FHIT: variants seen among roughly 807,000 people sequenced by gnomAD.
FHIT encodes bis(5'-adenosyl)-triphosphatase.
A neutral mutation model predicts 17.9 loss-of-function variants in FHIT; 19 were observed. The observed-to-expected ratio is 1.06, with a 90% CI of 0.74 to 1.56. The LOEUF is 1.56. FHIT is among the 40% of genes most tolerant of loss of function. The pLI is 0.00. For synonymous variants in FHIT, 81 were observed against 69.7 expected, an observed-to-expected ratio of 1.16 and a Z score of -0.81; for missense variants, 248 against 189.2, an observed-to-expected ratio of 1.31 and a Z score of -1.82.
At chr3:60,446,899 T>A (rs894908065) in intron 5 of FHIT, among the ~76,000 whole-genome samples, 22 of 142,746 alleles carry the variant, frequency 1.5e-4, no homozygotes, top group South Asian at 6.8e-4. Flanking sequence ...ATAATAATAA[T>A]AAAAAGCCTT....
At chr3:61,118,905 C>A (rs900085353) in intron 2 of FHIT, among the ~76,000 whole-genome samples, 1 of 152,124 alleles carries the variant, frequency 6.6e-6, no homozygotes, top group African/African-American at 2.4e-5. Flanking sequence ...CCTAGTCCCA[C>A]TGGACCCATC....
chr3:60,673,666 G>A (rs146151102), intron 4 of FHIT, among the ~76,000 whole-genome samples: 6 of 152,144 alleles, frequency 3.9e-5, no homozygotes, highest in East Asian at 1.9e-4. Context: ...TCCTGCACAC[G>A]TTTCCCAGAA....
At chr3:60,382,855 A>T (rs565688368) in intron 5 of FHIT, among the ~76,000 whole-genome samples, 5 of 152,200 alleles carry the variant, frequency 3.3e-5, no homozygotes, top group Non-Finnish European at 5.9e-5. Flanking sequence ...GAGAACGAGA[A>T]ATCAGACCTC....
rs1345721945 is a variant in FHIT at position 60,390,417 on chromosome 3, A to C, written c.103+146443T>G. 2.8e-4 allele frequency among the ~76,000 whole-genome samples: 37 copies of C among 130,954 alleles called. 2 individuals are homozygous for C. The highest frequency in any genetic ancestry group is 2.4e-4 in the Non-Finnish European group (15 of 61,810). 85.9% of individuals were successfully genotyped at this position (130,954 alleles called of 152,430 possible). The stretch of plus-strand genomic sequence containing the variant: ...GAGCTAAAAAAAAAAAAAAAAAAAA[A>C]AAAAAAAAAAACCCGTACCCTCTAG... On this transcript the variant is annotated intron_variant, in intron 5 of 9. Transcript: ENST00000492590.
intron 3 of FHIT, among the ~76,000 whole-genome samples, chr3:60,935,128 A>C (rs75664869): frequency 3.3e-5 from 5 of 152,192 alleles, no homozygotes; most frequent in Non-Finnish European, 5.9e-5. Flanking sequence ...GAAAATTTAC[A>C]AAAAAATCTT....
intron 3 of FHIT, among the ~76,000 whole-genome samples, chr3:60,892,982 G>C (rs1705596108): frequency 6.6e-6 from 1 of 152,098 alleles, no homozygotes; most frequent in African/African-American, 2.4e-5. Flanking sequence ...TCTGCAATGG[G>C]TACATATGAC....
At chr3:60,592,654 G>A (rs558598375) in intron 4 of FHIT, among the ~76,000 whole-genome samples, 10 of 152,236 alleles carry the variant, frequency 6.6e-5, no homozygotes, top group African/African-American at 1.4e-4. Flanking sequence ...CAGAAGTTGC[G>A]CCCATCACTT....
intron 5 of FHIT, among the ~76,000 whole-genome samples, chr3:60,411,619 A>C (rs954013193): frequency 1.3e-5 from 2 of 152,184 alleles, no homozygotes; most frequent in Admixed American, 6.5e-5. Context: ...CATCATGCAA[A>C]TGACAGGGAG....
chr3:60,449,661 C>G lies in FHIT; in HGVS notation c.103+87199G>C, dbSNP rs554997615. Among the ~76,000 whole-genome samples the G allele has an allele frequency of 4.6e-5, 7 of 152,072 alleles. No individual in the cohort carries two copies. In the East Asian group the frequency reaches 1.4e-3, roughly 29 times the overall value. On this transcript the variant is annotated intron_variant, in intron 5 of 9. Coordinates refer to ENST00000492590, the MANE Select transcript of FHIT (RefSeq NM_002012.4). ...CTGAATACTGTAGGTAATTGTAACA[C>G]ACTGGCAAGTATTTGTGTATCAAAA... is the stretch of plus-strand genomic sequence containing the variant.
intron 5 of FHIT, among the ~76,000 whole-genome samples, chr3:60,395,753 G>A (rs952057759): frequency 1.3e-5 from 2 of 152,208 alleles, no homozygotes; most frequent in African/African-American, 4.8e-5. Flanking sequence ...TGCAGGACAA[G>A]TGGCAGGGTT....
At chr3:60,317,641 A>G in intron 5 of FHIT, among the ~76,000 whole-genome samples, 1 of 147,300 alleles carries the variant, frequency 6.8e-6, no homozygotes, top group African/African-American at 2.5e-5. Context: ...GTGTGTATAT[A>G]TATATATATA....
chr3:59,817,052 T>C (rs1243462639), intron 8 of FHIT, among the ~76,000 whole-genome samples: 1 of 152,150 alleles, frequency 6.6e-6, no homozygotes, highest in Non-Finnish European at 1.5e-5. Flanking sequence ...TGGAGCTAAC[T>C]CCAGATACAG....
At chr3:59,968,448 C>CA (rs967004588) in intron 7 of FHIT, among the ~76,000 whole-genome samples, 11 of 150,274 alleles carry the variant, frequency 7.3e-5, no homozygotes, top group Admixed American at 5.3e-4. Context: ...AAAACAAAAA[C>CA]AAAAAAAGAC....
At chr3:59,781,090 C>G (rs1702562007) in intron 8 of FHIT, among the ~76,000 whole-genome samples, 1 of 152,094 alleles carries the variant, frequency 6.6e-6, no homozygotes, top group Non-Finnish European at 1.5e-5. Flanking sequence ...TTGGTTAAGC[C>G]AATTTCCCTT....
chr3:60,530,252 G>C (rs139829653), intron 5 of FHIT, among the ~76,000 whole-genome samples: 1 of 152,188 alleles, frequency 6.6e-6, no homozygotes, highest in Non-Finnish European at 1.5e-5. Context: ...AGCCAGAAGA[G>C]TCAAGGAAGA....
chr3:60,708,414 A>G (rs1300584785), intron 4 of FHIT, among the ~76,000 whole-genome samples: 1 of 152,206 alleles, frequency 6.6e-6, no homozygotes, highest in African/African-American at 2.4e-5. Flanking sequence ...TTCAGCCCCT[A>G]TAGAAACCCT....
At chr3:60,928,320 T>TAAAA (rs112223579) in intron 3 of FHIT, among the ~76,000 whole-genome samples, 3 of 69,154 alleles carry the variant, frequency 4.3e-5, no homozygotes, top group African/African-American at 1.7e-4. Flanking sequence ...CTAAAAAAAT[T>TAAAA]AAAAAAAAAA....
At chr3:59,820,589 G>T (rs188921263) in intron 8 of FHIT, among the ~76,000 whole-genome samples, 2 of 152,200 alleles carry the variant, frequency 1.3e-5, no homozygotes, top group African/African-American at 4.8e-5. Context: ...AGCAATGCTC[G>T]TTTGTTTATA....
chr3:60,532,298 C>G (rs1017512280), intron 5 of FHIT, among the ~76,000 whole-genome samples: 3 of 152,112 alleles, frequency 2.0e-5, no homozygotes, highest in African/African-American at 7.2e-5. Context: ...GACGACAGAA[C>G]AAATGAATAA....
Sources: allele counts gnomAD v4.1 joint callset (sites outside exome capture counted in the v4.1 genomes callset), GRCh38; gene constraint gnomAD v4.1.1; transcripts MANE v1.5; gene names NCBI Gene and HGNC (gene_info 2026-07-23, HGNC 2026-07-21).